Variants in DCAF6 observed in about 807,000 individuals in gnomAD.
DCAF6 encodes DDB1- and CUL4-associated factor 6.
A neutral mutation model predicts 125.1 loss-of-function variants in DCAF6; 54 were observed. That is an observed-to-expected ratio of 0.43 (90% CI 0.35 to 0.54). DCAF6 has a LOEUF of 0.54. Ranked by LOEUF, DCAF6 falls within the 20% of genes least tolerant of loss-of-function variation. DCAF6 has a pLI of 0.01. For synonymous variants in DCAF6, 371 were observed against 390.4 expected (o/e 0.95, Z 0.58); for missense variants, 934 against 1,161.7 (o/e 0.80, Z 2.85).
In DCAF6 at chr1:168,038,434, A is replaced by G. The variant is rs780560869; in HGVS notation, c.1673A>G (p.Tyr558Cys). ...GGTGAACCAGTTTTAAGTTTGCACT[A>G]CAGCACAGAAGGAACAACTACAAGC... ...GTGEPVLSLH[Y>C]STEGTTTSTI... The change falls in exon 13 of 22, where the codon TAC becomes TGC. Residue 558 changes from tyrosine to cysteine, a missense_variant. Coordinates refer to ENST00000367840, the MANE Select transcript of DCAF6 (RefSeq NM_001198956.2). 1 of 1,612,090 alleles carries G rather than the reference A, an allele frequency of 6.2e-7. No homozygotes were observed. Among genetic ancestry groups the G allele is most frequent in the Non-Finnish European group, 8.5e-7 (1 of 1,179,094 alleles).
At chr1:168,007,793 T>A (rs1303033578) in intron 10 of DCAF6, among the ~76,000 whole-genome samples, 1 of 152,006 alleles carries the variant, frequency 6.6e-6, no homozygotes, top group Non-Finnish European at 1.5e-5. Flanking sequence ...TTACATACAC[T>A]CTTTCTCTGG....
At chr1:167,909,047 C>T in the DCAF6 span, among the ~76,000 whole-genome samples, 1 of 152,222 alleles carries the variant, frequency 6.6e-6, no homozygotes, top group African/African-American at 2.4e-5. Context: ...AGAAGTTTTT[C>T]TCATGCCACC....
upstream of DCAF6, among the ~76,000 whole-genome samples, chr1:167,934,933 GT>G (rs538033402): frequency 6.7e-6 from 1 of 149,172 alleles, no homozygotes; most frequent in South Asian, 2.1e-4. Flanking sequence ...GTTTCTTACA[GT>G]TTTTTTTTTC....
intron 16 of DCAF6, 46 bp downstream of exon 16, chr1:168,045,273 C>T: frequency 6.7e-7 from 1 of 1,498,912 alleles, no homozygotes; most frequent in Non-Finnish European, 8.9e-7. Flanking sequence ...ATGTATTTCA[C>T]AAGGATTTGT....
chr1:167,903,727 T>TCAGAAA, the DCAF6 span, among the ~76,000 whole-genome samples: 1 of 152,228 alleles, frequency 6.6e-6, no homozygotes, highest in African/African-American at 2.4e-5. Context: ...ATTTCTTCAG[T>TCAGAAA]TATACTATAT....
chr1:167,944,018 A>G (rs1207994843), intron 1 of DCAF6, among the ~76,000 whole-genome samples: 1 of 150,846 alleles, frequency 6.6e-6, no homozygotes, highest in East Asian at 1.9e-4. Context: ...TTTTTTTTGT[A>G]TTTTCAGTAG....
intron 2 of DCAF6, among the ~76,000 whole-genome samples, chr1:167,957,611 G>A (rs946716465): frequency 6.6e-6 from 1 of 152,048 alleles, no homozygotes; most frequent in African/African-American, 2.4e-5. Flanking sequence ...AAATTTTTGT[G>A]TGTTGTAAGT....
At chr1:168,065,328 T>TA (rs1314373521) in intron 18 of DCAF6, among the ~76,000 whole-genome samples, 1 of 152,012 alleles carries the variant, frequency 6.6e-6, no homozygotes, top group African/African-American at 2.4e-5. Flanking sequence ...TTTTTTTTTT[T>TA]ATAGATAGGG....
chr1:167,994,907 G>T (rs1042709989), intron 7 of DCAF6, among the ~76,000 whole-genome samples: 1 of 152,040 alleles, frequency 6.6e-6, no homozygotes, highest in Non-Finnish European at 1.5e-5. Context: ...ATTCCTACGA[G>T]ATACAAAACT....
chr1:167,909,275 C>A, the DCAF6 span, among the ~76,000 whole-genome samples: 4 of 152,074 alleles, frequency 2.6e-5, no homozygotes, highest in African/African-American at 9.7e-5. Flanking sequence ...AACATTTATC[C>A]ACTATACTAT....
intron 1 of DCAF6, among the ~76,000 whole-genome samples, chr1:167,950,231 T>G (rs933653394): frequency 6.6e-6 from 1 of 152,224 alleles, no homozygotes; most frequent in African/African-American, 2.4e-5. Flanking sequence ...ATTGTTAATT[T>G]GAATACTTTG....
chr1:167,873,793 G>T, the DCAF6 span, among the ~76,000 whole-genome samples: 1 of 152,112 alleles, frequency 6.6e-6, no homozygotes, highest in African/African-American at 2.4e-5. Context: ...GGTAAGGAAA[G>T]GTATCTCAAA....
chr1:167,986,080 T>C (rs1276146648), intron 4 of DCAF6, among the ~76,000 whole-genome samples: 2 of 152,236 alleles, frequency 1.3e-5, no homozygotes, highest in Admixed American at 6.5e-5. Context: ...TTTAGTACTT[T>C]ATTTTAGGAA....
chr1:167,957,458 A>C (rs969888461), intron 2 of DCAF6, among the ~76,000 whole-genome samples: 1 of 152,130 alleles, frequency 6.6e-6, no homozygotes, highest in African/African-American at 2.4e-5. Context: ...TGATTGAATA[A>C]ATATTTCATT....
At chr1:167,975,405 G>C (rs12059592) in intron 4 of DCAF6, among the ~76,000 whole-genome samples, 2 of 152,108 alleles carry the variant, frequency 1.3e-5, no homozygotes, top group African/African-American at 4.8e-5. Context: ...AATTTTTGTA[G>C]GATAGAAGGG....
chr1:167,904,234 T>C, the DCAF6 span, among the ~76,000 whole-genome samples: 2 of 151,968 alleles, frequency 1.3e-5, no homozygotes, highest in Non-Finnish European at 2.9e-5. Context: ...ACTATAAGCG[T>C]GCGCCACCAT....
the DCAF6 span, among the ~76,000 whole-genome samples, chr1:167,903,642 G>A: frequency 6.6e-6 from 1 of 152,118 alleles, no homozygotes; most frequent in Non-Finnish European, 1.5e-5. Flanking sequence ...TTTAAAAGCA[G>A]TGTATAATTC....
At chr1:168,072,302 A>AAAAAAAAAAAAAAAAAAAAAAAAG (rs1693184047) in intron 21 of DCAF6, among the ~76,000 whole-genome samples, 1 of 139,334 alleles carries the variant, frequency 7.2e-6, no homozygotes, top group African/African-American at 2.9e-5. Context: ...TCTAAAAAAA[A>AAAAAAAAAAAAAAAAAAAAAAAAG]AAAAAAAAAA....
At chr1:167,978,522 C>T (rs949870989) in intron 4 of DCAF6, among the ~76,000 whole-genome samples, 1 of 152,094 alleles carries the variant, frequency 6.6e-6, no homozygotes, top group Admixed American at 6.5e-5. Context: ...AATGTGTAGT[C>T]AAATCTCTTG....
Sources: gnomAD v4.1 joint callset for allele counts (sites outside exome capture counted in the v4.1 genomes callset) on GRCh38, gnomAD v4.1.1 for gene constraint, MANE v1.5 for transcripts, NCBI Gene and HGNC (gene_info 2026-07-23, HGNC 2026-07-21) for gene names.